MAML1: variants seen among roughly 807,000 people sequenced by gnomAD.
The protein encoded by MAML1 is mastermind-like protein 1.
Under a neutral mutation model 77.1 loss-of-function variants are expected in MAML1, and 14 were observed. The ratio of observed to expected loss-of-function variants is 0.18; its 90% CI spans 0.12 to 0.28. The LOEUF is 0.28. Ranked by LOEUF, MAML1 falls within the 10% of genes least tolerant of loss-of-function variation. The pLI is 1.00. For synonymous variants in MAML1, 516 were observed against 551.9 expected (o/e 0.93, Z 0.91); for missense variants, 1,217 against 1,327.8 (o/e 0.92, Z 1.30).
intron 1 of MAML1, among the ~76,000 whole-genome samples, chr5:179,745,772 A>G (rs1287322476): frequency 1.3e-5 from 2 of 149,080 alleles, no homozygotes; most frequent in South Asian, 2.1e-4. Flanking sequence ...AGGCAGGAGA[A>G]TGGCGTGAAC....
At chr5:179,735,505 A>G (rs1488815851) in intron 1 of MAML1, among the ~76,000 whole-genome samples, 1 of 152,068 alleles carries the variant, frequency 6.6e-6, no homozygotes, top group Non-Finnish European at 1.5e-5. Context: ...CTCCTGCCTC[A>G]GCCTCCCTAC....
intron 1 of MAML1, among the ~76,000 whole-genome samples, chr5:179,743,414 T>C (rs1319234981): frequency 3.5e-5 from 5 of 141,530 alleles, no homozygotes; most frequent in Non-Finnish European, 1.5e-5. Flanking sequence ...TCTCCCAGGC[T>C]GGAGGGCAGT....
chr5:179,762,481 C>T (rs1779741952), intron 1 of MAML1, among the ~76,000 whole-genome samples: 1 of 152,102 alleles, frequency 6.6e-6, no homozygotes. Flanking sequence ...CTCCAGCCGA[C>T]CACGAGCATC....
chr5:179,766,400 C>T lies in MAML1; in HGVS notation c.1390C>T (p.Leu464=), dbSNP rs1305338162. 20 of 1,612,028 alleles carry T rather than the reference C, an allele frequency of 1.2e-5. No homozygotes were observed. The East Asian group carries it at 4.5e-4, about 36-fold the overall frequency. ...SYKQDFTNSK[L]LMMPSVNKSS... is the part of the protein sequence containing the mutation. ...CAAGCAAGACTTCACTAACTCCAAACTGCTCATGATGCCTAGTGTGAATAA... is the reference window on the plus strand; with the variant it reads ...CAAGCAAGACTTCACTAACTCCAAATTGCTCATGATGCCTAGTGTGAATAA... Residue 464 remains leucine (L), a synonymous_variant, in exon 2 of 5, where the codon CTG becomes TTG. Transcript: ENST00000292599. This position sits in a 1 kb window ranked among gnomAD's most constrained non-coding sequence, Gnocchi z 4.0.
At position 179,773,929 on chromosome 5, in the gene MAML1, G is replaced by T; in HGVS notation, c.2103G>T (p.Leu701Phe). The change falls in exon 5 of 5, where the codon TTG becomes TTT. Residue 701 changes from leucine to phenylalanine, a missense_variant. By Grantham distance (22) the Leu-to-Phe change is conservative. This residue lies in a region of MAML1 where 884 missense variants were observed against 949.3 expected (regional missense o/e 0.93). Coordinates refer to ENST00000292599, the MANE Select transcript of MAML1 (RefSeq NM_014757.5). ...SSAAVPGMNT[L>F]GPSNSSCPRV... ...CTGCCGTGCCCGGCATGAACACCTT[G>T]GGTCCATCCAACTCCAGCTGTCCTC... The T allele has an allele frequency of 6.2e-7, 1 of 1,614,176 alleles. No individual in the cohort carries two copies. The highest frequency in any genetic ancestry group is 8.5e-7 in the Non-Finnish European group (1 of 1,180,030).
At chr5:179,735,327 C>T (rs758018615) in intron 1 of MAML1, among the ~76,000 whole-genome samples, 1 of 152,212 alleles carries the variant, frequency 6.6e-6, no homozygotes, top group Non-Finnish European at 1.5e-5. Context: ...GCCTAACCCA[C>T]AGCAGTAAGA....
chr5:179,755,720 T>C (rs374380662), intron 1 of MAML1, among the ~76,000 whole-genome samples: 12 of 151,464 alleles, frequency 7.9e-5, no homozygotes, highest in African/African-American at 1.9e-4. Context: ...TTTTTTAAGC[T>C]CATCAGCTAC....
Position 179,766,067 on chromosome 5 carries a change from C to G in MAML1, c.1057C>G (p.Gln353Glu). The change falls in exon 2 of 5, where the codon CAG becomes GAG. Residue 353 changes from glutamine to glutamate, a missense_variant. Physicochemically the swap from Gln to Glu is conservative, Grantham distance 29. Transcript: ENST00000292599. This position sits in a 1 kb window ranked among gnomAD's most constrained non-coding sequence, Gnocchi z 4.0. ...CCAAACCTTATTCCACACCTCTGGT[C>G]AGCCCCGGGCGGACAATCCCAGTCC... ...GSQTLFHTSG[Q>E]PRADNPSPNL... 2 of 1,587,220 alleles carry G rather than the reference C, an allele frequency of 1.3e-6. No homozygotes were observed. Among genetic ancestry groups the G allele is most frequent in the Non-Finnish European group, 1.7e-6 (2 of 1,167,990 alleles).
chr5:179,775,258 A>G lies in MAML1; in HGVS notation c.*381A>G. 3.0e-6 allele frequency: 3 copies of G among 1,008,482 alleles called. No individual in the cohort carries two copies. The highest frequency in any genetic ancestry group is 4.6e-5 in the South Asian group (1 of 21,738). The allele number at this position is 1,008,482 out of a possible 1,614,324, so 62.5% of individuals were successfully genotyped here. ...TATCCAAGACTGCTCCACTTACCCC[A>G]GTGCTGGGGACAAGTTTCTGTTGAA... On this transcript the variant is annotated 3_prime_UTR_variant, in exon 5 of 5. Coordinates refer to ENST00000292599, the MANE Select transcript of MAML1 (RefSeq NM_014757.5).
chr5:179,771,298 G>C lies in MAML1; in HGVS notation c.2068+55G>C, dbSNP rs1581948186. 2 of 1,455,600 alleles carry C rather than the reference G, an allele frequency of 1.4e-6. No homozygotes were observed. The highest frequency in any genetic ancestry group is 4.5e-5 in the East Asian group (2 of 43,998). 90.2% of individuals were successfully genotyped at this position (1,455,600 alleles called of 1,614,324 possible). A position where few individuals can be genotyped will look rare whatever the true frequency, so the allele number is the denominator to read the frequency against. ...CAGGGGAGGCCGCTGCCTGGTGCTG[G>C]TTGAATCCCTGCTGTCTGCCCAGCT... On this transcript the variant is annotated intron_variant, in intron 4 of 4. Coordinates refer to ENST00000292599, the MANE Select transcript of MAML1 (RefSeq NM_014757.5). This position sits in a 1 kb window ranked among gnomAD's most constrained non-coding sequence, Gnocchi z 4.7.
chr5:179,759,944 T>A (rs377573836), intron 1 of MAML1, among the ~76,000 whole-genome samples: 1 of 152,122 alleles, frequency 6.6e-6, no homozygotes, highest in African/African-American at 2.4e-5. Context: ...GGGTACCAGT[T>A]GTATGTAGGG....
intron 1 of MAML1, among the ~76,000 whole-genome samples, chr5:179,755,620 G>C (rs1024622540): frequency 6.6e-6 from 1 of 152,130 alleles, no homozygotes; most frequent in Non-Finnish European, 1.5e-5. Flanking sequence ...AGCTTGTCCA[G>C]CCTGCGGCCG....
intron 1 of MAML1, among the ~76,000 whole-genome samples, chr5:179,758,992 C>T (rs569033704): frequency 2.7e-5 from 4 of 150,676 alleles, no homozygotes; most frequent in East Asian, 1.9e-4. Context: ...AGCAAGACTC[C>T]GACTCAAAAA....
At chr5:179,742,162 C>T (rs910156518) in intron 1 of MAML1, among the ~76,000 whole-genome samples, 8 of 151,456 alleles carry the variant, frequency 5.3e-5, no homozygotes, top group South Asian at 4.2e-4. Context: ...CGTGAGCCAC[C>T]GCACCTGGCC....
Position 179,753,094 on chromosome 5 carries a change from A to G in MAML1, c.316-12232A>G, listed in dbSNP as rs1233631051. Among the ~76,000 whole-genome samples the G allele has an allele frequency of 3.9e-5, 6 of 152,032 alleles. No individual in the cohort carries two copies. The South Asian group carries it at 1.2e-3, about 32-fold the overall frequency. On this transcript the variant is annotated intron_variant, in intron 1 of 4. Coordinates refer to ENST00000292599, the MANE Select transcript of MAML1 (RefSeq NM_014757.5). Reference sequence around the variant, plus strand: ...GGCCCATCTGTGGAACTCTTATCTCACTGTCACTTCACAATCATTGGAACA... The same window carrying G: ...GGCCCATCTGTGGAACTCTTATCTCGCTGTCACTTCACAATCATTGGAACA...
At position 179,774,504 on chromosome 5, in the gene MAML1, T is replaced by A; in HGVS notation, c.2678T>A (p.Met893Lys). The A allele has an allele frequency of 4.3e-6, 7 of 1,612,854 alleles. No homozygotes were observed. Among genetic ancestry groups the A allele is most frequent in the Non-Finnish European group, 5.9e-6 (7 of 1,179,770 alleles). The change falls in exon 5 of 5, where the codon ATG becomes AAG. Residue 893 changes from methionine (M) to lysine (K), a missense_variant. Met to Lys is a moderately conservative substitution (Grantham distance 95). Transcript: ENST00000292599. The stretch of plus-strand genomic sequence containing the variant: ...GTGCCCAACAGGCCCATGGCTCCCA[T>A]GAGCTCAGCAGCTGCCGTGGGGTCC... The part of the protein sequence containing the change: ...QAVPNRPMAP[M>K]SSAAAVGSLL...
chr5:179,732,989 C>T lies in MAML1; in HGVS notation c.-124C>T. 5.6e-6 allele frequency: 3 copies of T among 533,428 alleles called. No individual in the cohort carries two copies. Among genetic ancestry groups the T allele is most frequent in the Non-Finnish European group, 8.1e-6 (3 of 370,030 alleles). 33.0% of individuals were successfully genotyped at this position (533,428 alleles called of 1,614,324 possible). On this transcript the variant is annotated 5_prime_UTR_variant, in exon 1 of 5. Coordinates refer to ENST00000292599, the MANE Select transcript of MAML1 (RefSeq NM_014757.5). ...CCCGCCGCCGCGCGCGAGCCCGCTCCGCTGCCCTCGGGGGCATGGCGCGGC... is the reference window on the plus strand; with the variant it reads ...CCCGCCGCCGCGCGCGAGCCCGCTCTGCTGCCCTCGGGGGCATGGCGCGGC...
At chr5:179,770,923 C>T (rs1181045183) in intron 3 of MAML1, 4 of 447,734 alleles carry the variant, frequency 8.9e-6, no homozygotes, top group Admixed American at 7.0e-5. Flanking sequence ...AACCAGCTCT[C>T]CATTTTTTAA....
At chr5:179,773,727 T>A in intron 4 of MAML1, 168 bp from the exon 5 acceptor site, 1 of 985,390 alleles carries the variant, frequency 1.0e-6, no homozygotes, top group Non-Finnish European at 1.2e-6. Context: ...CATCATTGTT[T>A]CAGAGACCAG....
Sources: allele counts gnomAD v4.1 joint callset (sites outside exome capture counted in the v4.1 genomes callset), GRCh38; gene constraint gnomAD v4.1.1; regional missense constraint gnomAD v4.1.1; non-coding constraint Gnocchi (gnomAD v3.1); transcripts MANE v1.5; gene names NCBI Gene and HGNC (gene_info 2026-07-23, HGNC 2026-07-21).